DMD: variants seen among roughly 807,000 people sequenced by gnomAD.
DMD encodes dystrophin.
A neutral mutation model predicts 330.1 loss-of-function variants in DMD; 63 were observed. The ratio of observed to expected loss-of-function variants is 0.19; its 90% confidence interval spans 0.16 to 0.24. DMD has a LOEUF of 0.24. DMD is among the 10% of genes least tolerant of loss of function. The pLI is 1.00. For synonymous variants in DMD, 1,223 were observed against 959.8 expected (o/e 1.27, Z -5.07); for missense variants, 3,344 against 2,684.1 (o/e 1.25, Z -5.43).
chrX:31,634,082 C>A (rs1056062430), intron 54 of DMD, among the ~76,000 whole-genome samples: 1 of 112,440 alleles, frequency 8.9e-6, no homozygotes, highest in Non-Finnish European at 1.9e-5. Flanking sequence ...TTTTAGAGCA[C>A]AAATTTAATT....
intron 2 of DMD, among the ~76,000 whole-genome samples, chrX:32,938,250 G>T (rs2090155440): frequency 1.8e-5 from 2 of 111,396 alleles, no homozygotes; most frequent in African/African-American, 3.3e-5. Flanking sequence ...TATGAAAAGG[G>T]TTATCGAATT....
intron 2 of DMD, among the ~76,000 whole-genome samples, chrX:32,906,363 A>C (rs917903773): frequency 4.1e-4 from 46 of 112,212 alleles, no homozygotes; most frequent in African/African-American, 1.4e-3. Context: ...CAGAAGCAGA[A>C]GCTGCTATGC....
intron 60 of DMD, among the ~76,000 whole-genome samples, chrX:31,414,356 T>TA (rs1410746416): frequency 3.6e-5 from 4 of 112,082 alleles, no homozygotes; most frequent in Non-Finnish European, 5.6e-5. Flanking sequence ...CAAGCCAAAT[T>TA]AATGTTTTAA....
intron 30 of DMD, among the ~76,000 whole-genome samples, chrX:32,408,898 A>ATCTG (rs2098130365): frequency 2.8e-5 from 3 of 106,573 alleles, no homozygotes; most frequent in African/African-American, 1.1e-4. Context: ...CTATCTATCT[A>ATCTG]TCTATCTATC....
intron 44 of DMD, among the ~76,000 whole-genome samples, chrX:32,169,944 T>G (rs1277676792): frequency 8.9e-6 from 1 of 112,053 alleles, no homozygotes; most frequent in East Asian, 2.8e-4. Context: ...CTTCTCAATT[T>G]TAAAAGAAAA....
At chrX:31,379,842 G>A (rs2060070411) in intron 60 of DMD, among the ~76,000 whole-genome samples, 1 of 111,881 alleles carries the variant, frequency 8.9e-6, no homozygotes, top group Non-Finnish European at 1.9e-5. Context: ...CCTAAGCCAT[G>A]TCCCATCTGT....
At chrX:33,304,342 C>T (rs1284098804) in intron 1 of DMD, among the ~76,000 whole-genome samples, 1 of 111,074 alleles carries the variant, frequency 9.0e-6, no homozygotes, top group Non-Finnish European at 1.9e-5. Context: ...ATAAATGGTG[C>T]TGGGAAAACT....
At chrX:31,583,882 G>A (rs1328075359) in intron 55 of DMD, among the ~76,000 whole-genome samples, 2 of 106,786 alleles carry the variant, frequency 1.9e-5, no homozygotes, top group South Asian at 4.5e-4. Flanking sequence ...AACATTAGGT[G>A]TATCTCCAAA....
chrX:33,039,766 A>G (rs1010439192), intron 1 of DMD, among the ~76,000 whole-genome samples: 3 of 111,589 alleles, frequency 2.7e-5, no homozygotes, highest in African/African-American at 9.8e-5. Flanking sequence ...AGGGTAAAAT[A>G]CTTACGCTTT....
At chrX:31,546,262 G>T (rs1361905633) in intron 55 of DMD, among the ~76,000 whole-genome samples, 1 of 112,349 alleles carries the variant, frequency 8.9e-6, no homozygotes, top group African/African-American at 3.2e-5. Context: ...TCCAGTGGGC[G>T]TCAGCAGAGC....
At chrX:32,521,336 C>T (rs1379777393) in intron 17 of DMD, among the ~76,000 whole-genome samples, 1 of 111,665 alleles carries the variant, frequency 9.0e-6, no homozygotes, top group African/African-American at 3.3e-5. Flanking sequence ...CCATACTATC[C>T]GTTTGTAATT....
chrX:32,437,181 G>A (rs2098264717), intron 29 of DMD, among the ~76,000 whole-genome samples: 1 of 111,912 alleles, frequency 8.9e-6, no homozygotes, highest in Non-Finnish European at 1.9e-5. Context: ...CAATGATGAA[G>A]GACCAGAGAT....
chrX:32,368,396 G>T (rs770628581), intron 34 of DMD, among the ~76,000 whole-genome samples: 1 of 111,674 alleles, frequency 9.0e-6, no homozygotes, highest in African/African-American at 3.2e-5. Flanking sequence ...GGTGACACTT[G>T]AAGGCGGAGT....
chrX:31,613,376 A>C (rs1162262916), intron 55 of DMD, among the ~76,000 whole-genome samples: 1 of 111,404 alleles, frequency 9.0e-6, no homozygotes, highest in Non-Finnish European at 1.9e-5. Flanking sequence ...AAACTGCTCC[A>C]TGGAGAGGTC....
At chrX:32,636,455 T>G (rs775177794) in intron 11 of DMD, among the ~76,000 whole-genome samples, 1 of 112,221 alleles carries the variant, frequency 8.9e-6, no homozygotes, top group East Asian at 2.8e-4. Flanking sequence ...ATTTTCCTAC[T>G]TAATGGAATG....
intron 41 of DMD, among the ~76,000 whole-genome samples, chrX:32,320,300 AG>A (rs1168226291): frequency 8.9e-6 from 1 of 111,863 alleles, no homozygotes; most frequent in Admixed American, 9.6e-5. Context: ...ATGTTTTTCA[AG>A]GAAGTATTCT....
intron 1 of DMD, among the ~76,000 whole-genome samples, chrX:33,251,133 T>C (rs897217642): frequency 1.8e-5 from 2 of 111,549 alleles, no homozygotes; most frequent in African/African-American, 6.5e-5. Context: ...TTGAATGTAT[T>C]TATTCATGTA....
At chrX:31,848,615 T>C (rs2093468321) in intron 48 of DMD, among the ~76,000 whole-genome samples, 1 of 111,057 alleles carries the variant, frequency 9.0e-6, no homozygotes, top group Non-Finnish European at 1.9e-5. Flanking sequence ...CGAGGAGAGT[T>C]TGATTTTCTT....
rs7059957 is a variant in DMD, at chrX:32,964,820, C to G, written c.93+55319G>C. 1.8e-3 allele frequency among the ~76,000 whole-genome samples: 202 copies of G among 112,248 alleles called. 2 individuals carry two copies. Among genetic ancestry groups the G allele is most frequent in the African/African-American group, 6.4e-3 (198 of 30,951 alleles). ...GTTTTGCAACTCATAATGAAATAATCAATCAAAACAATGATCATCAATGGC... is the reference window on the plus strand; with the variant it reads ...GTTTTGCAACTCATAATGAAATAATGAATCAAAACAATGATCATCAATGGC... On this transcript the variant is annotated intron_variant, in intron 2 of 78. Transcript: ENST00000357033.
Sources: allele counts gnomAD v4.1 joint callset (sites outside exome capture counted in the v4.1 genomes callset), GRCh38; gene constraint gnomAD v4.1.1; transcripts MANE v1.5; gene names NCBI Gene and HGNC (gene_info 2026-07-23, HGNC 2026-07-21).